SLIT1: variants seen among roughly 807,000 people sequenced by gnomAD.
The protein encoded by SLIT1 is slit guidance ligand 1, also known as slit homolog 1 protein.
SLIT1 carries 66 observed loss-of-function variants against 186.1 expected under a neutral mutation model. The observed-to-expected ratio is 0.35, with a 90% CI of 0.29 to 0.44. The LOEUF is 0.44. Among genes scored for constraint, SLIT1 ranks in the 20% least tolerant of loss-of-function variants. The probability of loss-of-function intolerance (pLI) is 1.00; values close to 1 mark genes in which losing one functional copy is unlikely to be tolerated. For missense variants in SLIT1, 1,638 were observed against 2,037.4 expected, an observed-to-expected ratio of 0.80 and a Z score of 3.77; for synonymous variants, 761 against 833.8, an observed-to-expected ratio of 0.91 and a Z score of 1.50.
At position 97,063,484 on chromosome 10, in the gene SLIT1, T is replaced by C; in HGVS notation, c.764A>G (p.Glu255Gly). Residue 255 changes from glutamate to glycine, a missense_variant, in exon 8 of 37, where the codon GAG becomes GGG. Transcript: ENST00000266058. ...PASLRGLNVA[E>G]VQKSEFSCSG... ...GCAGCTGAACTCACTCTTCTGGACC[T>C]CTGCCACATTGAGGCCACGCAGGCT... The C allele has an allele frequency of 6.2e-7, 1 of 1,612,948 alleles. No individual in the cohort carries two copies. The highest frequency in any genetic ancestry group is 2.2e-5 in the East Asian group (1 of 44,882).
At chr10:97,042,397 G>A (rs894335844) in intron 20 of SLIT1, among the ~76,000 whole-genome samples, 2 of 152,006 alleles carry the variant, frequency 1.3e-5, no homozygotes, top group Admixed American at 6.5e-5. Context: ...GTGCTGTGGC[G>A]AAAAAATGAG....
chr10:97,174,083 C>T (rs550219280), intron 1 of SLIT1, among the ~76,000 whole-genome samples: 1 of 152,326 alleles, frequency 6.6e-6, no homozygotes, highest in Non-Finnish European at 1.5e-5. Flanking sequence ...TCTGAACAGG[C>T]TTCAGGCCTC....
chr10:97,146,152 A>C (rs1246448539), intron 4 of SLIT1, among the ~76,000 whole-genome samples: 1 of 152,198 alleles, frequency 6.6e-6, no homozygotes, highest in Non-Finnish European at 1.5e-5. Context: ...GCCCCAAATC[A>C]AAGACTACAT....
chr10:97,150,178 G>A (rs745520644), intron 4 of SLIT1, among the ~76,000 whole-genome samples: 9 of 152,218 alleles, frequency 5.9e-5, no homozygotes, highest in East Asian at 1.9e-4. Context: ...CCCCGTTCTC[G>A]TGTGCTGGTG....
intron 4 of SLIT1, among the ~76,000 whole-genome samples, chr10:97,144,125 G>C (rs1849793017): frequency 1.3e-5 from 2 of 152,166 alleles, no homozygotes; most frequent in South Asian, 4.2e-4. Flanking sequence ...TTGAACCCGG[G>C]AGGTGGAGGT....
intron 24 of SLIT1, 25 bp downstream of exon 24, chr10:97,031,581 C>T (rs1848591094): frequency 6.5e-7 from 1 of 1,542,810 alleles, no homozygotes; most frequent in South Asian, 1.2e-5. Context: ...GATTTTCTGG[C>T]AGGATGGTGA....
intron 4 of SLIT1, among the ~76,000 whole-genome samples, chr10:97,081,527 A>G (rs1849105147): frequency 6.6e-6 from 1 of 152,080 alleles, no homozygotes; most frequent in South Asian, 2.1e-4. Context: ...GGGCTGTCAC[A>G]CCCTGTCAGT....
At chr10:97,047,198 A>C in intron 16 of SLIT1, 133 bp from the exon 17 acceptor site, 1 of 647,812 alleles carries the variant, frequency 1.5e-6, no homozygotes, top group Non-Finnish European at 2.7e-6. Context: ...AATTGATCCT[A>C]TTTCAAAGGA....
intron 4 of SLIT1, among the ~76,000 whole-genome samples, chr10:97,133,955 T>C (rs1459222210): frequency 1.3e-5 from 2 of 152,158 alleles, no homozygotes; most frequent in Non-Finnish European, 2.9e-5. Flanking sequence ...CTATTGGATT[T>C]GGATTGTTTC....
At chr10:97,088,472 G>T (rs77805021) in intron 4 of SLIT1, among the ~76,000 whole-genome samples, 1 of 152,220 alleles carries the variant, frequency 6.6e-6, no homozygotes, top group Non-Finnish European at 1.5e-5. Flanking sequence ...GCTTAGGCTA[G>T]TCTATCATTG....
rs1564654583 is a variant in SLIT1, at chr10:97,018,611, G to A, written c.2944C>T (p.Gln982Ter). The A allele has an allele frequency of 6.3e-7, 1 of 1,592,958 alleles. No individual in the cohort carries two copies. Among genetic ancestry groups the A allele is most frequent in the Non-Finnish European group, 8.5e-7 (1 of 1,169,780 alleles). Residue 982 changes from glutamine to a stop codon, truncating the protein, a stop_gained, in exon 28 of 37, where the codon CAG (glutamine) becomes TAG (stop). Coordinates refer to ENST00000266058, the MANE Select transcript of SLIT1 (RefSeq NM_003061.3). LOFTEE classifies it high-confidence loss of function. Reference protein sequence around the residue: ...PCENGGTCHAQEGEDAPFTCS... With the variant: ...PCENGGTCHA ...GTGAACGGGGCATCCTCGCCCTCCT[G>A]TGCATGGCAGGTGCCCCCATTTTCA...
At chr10:97,158,961 A>G (rs1038619775) in intron 3 of SLIT1, among the ~76,000 whole-genome samples, 16 of 152,148 alleles carry the variant, frequency 1.1e-4, no homozygotes, top group Non-Finnish European at 2.2e-4. Context: ...GCTTGAGGCC[A>G]GGGGCTTCAG....
intron 4 of SLIT1, among the ~76,000 whole-genome samples, chr10:97,071,965 A>G (rs996104514): frequency 1.3e-5 from 2 of 152,192 alleles, no homozygotes; most frequent in African/African-American, 4.8e-5. Flanking sequence ...CTAAGTAGGG[A>G]AGAGGAAGAA....
intron 3 of SLIT1, among the ~76,000 whole-genome samples, chr10:97,159,634 C>T (rs1056179804): frequency 3.9e-5 from 6 of 152,094 alleles, no homozygotes; most frequent in East Asian, 3.9e-4. Flanking sequence ...CTCCACATGG[C>T]GAGGGACATG....
chr10:97,067,554 G>C (rs60978129), intron 4 of SLIT1, among the ~76,000 whole-genome samples: 10,530 of 152,282 alleles, frequency 0.069, 1,172 homozygotes, highest in African/African-American at 0.23. Context: ...CAGCTGGTGG[G>C]TGGTGGCTCC....
At chr10:97,148,067 A>G (rs2134710163) in intron 4 of SLIT1, among the ~76,000 whole-genome samples, 1 of 152,308 alleles carries the variant, frequency 6.6e-6, no homozygotes, top group South Asian at 2.1e-4. Flanking sequence ...TCTGGGTAGC[A>G]CTTCCTGTAC....
intron 4 of SLIT1, among the ~76,000 whole-genome samples, chr10:97,111,484 T>C (rs1308065032): frequency 6.6e-6 from 1 of 152,054 alleles, no homozygotes; most frequent in East Asian, 1.9e-4. Flanking sequence ...AAGGCCAGGG[T>C]CATCAAGCTG....
intron 4 of SLIT1, among the ~76,000 whole-genome samples, chr10:97,116,567 T>C (rs1475745336): frequency 6.6e-6 from 1 of 152,212 alleles, no homozygotes; most frequent in African/African-American, 2.4e-5. Context: ...CAGTGGGGTT[T>C]CTGTCCCTGG....
Position 97,047,670 on chromosome 10 carries a change from G to T in SLIT1, c.1634+20C>A, listed in dbSNP as rs191458322. On this transcript the variant is annotated intron_variant, in intron 16 of 36. Coordinates refer to ENST00000266058, the MANE Select transcript of SLIT1 (RefSeq NM_003061.3). Reference sequence around the variant, plus strand: ...GGCAGTTAGGGACAGGGGAGGGCTGGGGGGGCCAGGGACCCTCACAGTTCT... The same window carrying T: ...GGCAGTTAGGGACAGGGGAGGGCTGTGGGGGCCAGGGACCCTCACAGTTCT... The T allele has an allele frequency of 6.2e-7, 1 of 1,610,558 alleles. No homozygotes were observed. Among genetic ancestry groups the T allele is most frequent in the East Asian group, 2.2e-5 (1 of 44,860 alleles).
Sources: gnomAD v4.1 joint callset for allele counts (sites outside exome capture counted in the v4.1 genomes callset) on GRCh38, gnomAD v4.1.1 for gene constraint, MANE v1.5 for transcripts, NCBI Gene and HGNC (gene_info 2026-07-23, HGNC 2026-07-21) for gene names.